Variants in KCNIP1 observed in about 807,000 individuals in gnomAD.
KCNIP1 encodes A-type potassium channel modulatory protein KCNIP1.
KCNIP1 carries 18 observed loss-of-function variants against 33.0 expected under a neutral mutation model. The observed-to-expected ratio is 0.55, with a 90% confidence interval of 0.38 to 0.81. The LOEUF (loss-of-function observed/expected upper bound fraction) is 0.81. KCNIP1 is among the 30% of genes least tolerant of loss of function. KCNIP1 has a pLI of 0.00. For missense variants in KCNIP1, 238 were observed against 271.6 expected, an observed-to-expected ratio of 0.88 and a Z score of 0.87; for synonymous variants, 93 against 98.3, an observed-to-expected ratio of 0.95 and a Z score of 0.32.
chr5:170,562,987 A>C (rs926380355), intron 1 of KCNIP1, among the ~76,000 whole-genome samples: 1 of 152,216 alleles, frequency 6.6e-6, no homozygotes, highest in Non-Finnish European at 1.5e-5. Context: ...GTAGACTGCA[A>C]CTTTGGTAGC....
intron 1 of KCNIP1, among the ~76,000 whole-genome samples, chr5:170,702,571 A>G (rs1048886800): frequency 1.3e-5 from 2 of 152,194 alleles, no homozygotes; most frequent in Admixed American, 6.5e-5. Flanking sequence ...CCTCAGTACC[A>G]ATTGTCAAGT....
chr5:170,383,799 G>T, intron 1 of KCNIP1: 1 of 1,614,110 alleles, frequency 6.2e-7, no homozygotes, highest in Non-Finnish European at 8.5e-7. Context: ...GCTCCTCCTG[G>T]TCCCTGATGT....
At chr5:170,654,359 G>A (rs1471701228) in intron 1 of KCNIP1, among the ~76,000 whole-genome samples, 2 of 152,164 alleles carry the variant, frequency 1.3e-5, no homozygotes, top group Non-Finnish European at 2.9e-5. Flanking sequence ...CCCCGAAGGA[G>A]CTCACATTCT....
intron 7 of KCNIP1, among the ~76,000 whole-genome samples, chr5:170,734,254 G>GA (rs5873236): frequency 1.3e-5 from 2 of 151,736 alleles, no homozygotes; most frequent in Non-Finnish European, 2.9e-5. Flanking sequence ...CAGCTGGGGG[G>GA]AAAAAAACCT....
At chr5:170,498,203 C>T (rs1201380991) in intron 1 of KCNIP1, among the ~76,000 whole-genome samples, 1 of 152,210 alleles carries the variant, frequency 6.6e-6, no homozygotes, top group Non-Finnish European at 1.5e-5. Flanking sequence ...TGAATCAGGA[C>T]TGTGTTCCAG....
In KCNIP1 at chr5:170,546,928, C is replaced by G. The variant is rs535733477; in HGVS notation, c.61+42295C>G. ...TGTGCTAATTTTCCTTCTGACTAAG[C>G]CACATCTTTTAGAATTTCCTCTGTG... On this transcript the variant is annotated intron_variant, in intron 1 of 7. Transcript: ENST00000328939. 3.9e-5 allele frequency among the ~76,000 whole-genome samples: 6 copies of G among 152,242 alleles called. No homozygotes were observed. In the East Asian group the frequency reaches 1.2e-3, roughly 29 times the overall value.
chr5:170,483,235 C>T (rs935044551), intron 1 of KCNIP1: 1 of 309,534 alleles, frequency 3.2e-6, no homozygotes, highest in Non-Finnish European at 6.3e-6. Flanking sequence ...GGTGGGAACA[C>T]CCTAGGGTGA....
intron 1 of KCNIP1, among the ~76,000 whole-genome samples, chr5:170,461,232 T>C (rs1224823987): frequency 3.3e-5 from 5 of 152,134 alleles, no homozygotes; most frequent in African/African-American, 4.8e-5. Context: ...ATGACAATAC[T>C]ACCAAAAGCA....
At position 170,504,147 on chromosome 5, in the gene KCNIP1, CAGGGAG is replaced by C; in HGVS notation, c.-425_-420del. The C allele has an allele frequency of 2.0e-6, 2 of 998,238 alleles. No homozygotes were observed. Among genetic ancestry groups the C allele is most frequent in the Non-Finnish European group, 2.4e-6 (2 of 839,194 alleles). 61.8% of individuals were successfully genotyped at this position (998,238 alleles called of 1,614,324 possible). ...GGCCCTCCGAGACCCAGCCCGAGCG[CAGGGAG>C]GGGAGCCGAGTGTGCGGCAGGAGGG... On this transcript the variant is annotated 5_prime_UTR_variant, in exon 1 of 8. Coordinates refer to ENST00000328939, the MANE Select transcript of KCNIP1 (RefSeq NM_014592.4). This position sits in a 1 kb window ranked among gnomAD's most constrained non-coding sequence, Gnocchi z 6.0.
intron 1 of KCNIP1, among the ~76,000 whole-genome samples, chr5:170,496,948 G>C (rs1757322367): frequency 6.6e-6 from 1 of 151,996 alleles, no homozygotes; most frequent in Admixed American, 6.6e-5. Flanking sequence ...CTAGACCCCT[G>C]ATCTTGCCGA....
intron 1 of KCNIP1, chr5:170,383,526 CA>C (rs1481900214): frequency 2.4e-6 from 2 of 831,436 alleles, no homozygotes; most frequent in African/African-American, 3.4e-5. Flanking sequence ...GACTCCAACA[CA>C]GAAGAGCTAG....
chr5:170,502,641 G>A (rs1247411832), upstream of KCNIP1, among the ~76,000 whole-genome samples: 3 of 152,168 alleles, frequency 2.0e-5, no homozygotes, highest in South Asian at 2.1e-4. Context: ...AAGGACCTGC[G>A]CCCATATGTT....
chr5:170,633,530 G>T (rs942615528), intron 1 of KCNIP1, among the ~76,000 whole-genome samples: 2 of 149,958 alleles, frequency 1.3e-5, no homozygotes, highest in Non-Finnish European at 3.0e-5. Flanking sequence ...CAAAAGAAAC[G>T]CAGAGGCTTT....
chr5:170,360,198 C>A (rs1344176567), intron 1 of KCNIP1, among the ~76,000 whole-genome samples: 1 of 152,188 alleles, frequency 6.6e-6, no homozygotes, highest in Non-Finnish European at 1.5e-5. Context: ...CCTGGGCCAT[C>A]TCTCTCAGCA....
intron 1 of KCNIP1, among the ~76,000 whole-genome samples, chr5:170,425,440 T>C (rs1029606158): frequency 6.6e-6 from 1 of 152,024 alleles, no homozygotes; most frequent in Non-Finnish European, 1.5e-5. Context: ...GCCATGCAGG[T>C]GATGGCAGTC....
chr5:170,654,171 C>G (rs1429086400), intron 1 of KCNIP1, among the ~76,000 whole-genome samples: 2 of 152,134 alleles, frequency 1.3e-5, no homozygotes, highest in Middle Eastern at 3.2e-3. Flanking sequence ...AGAAGGCTGC[C>G]CTGGTCCCTG....
At chr5:170,683,930 G>A (rs1387454345) in intron 1 of KCNIP1, among the ~76,000 whole-genome samples, 1 of 149,996 alleles carries the variant, frequency 6.7e-6, no homozygotes, top group Middle Eastern at 3.2e-3. Flanking sequence ...GTGTGTGTGT[G>A]TGTGTTAGTA....
chr5:170,363,049 G>A (rs529653554), intron 1 of KCNIP1, among the ~76,000 whole-genome samples: 88 of 152,290 alleles, frequency 5.8e-4, no homozygotes, highest in Non-Finnish European at 1.1e-3. Context: ...GAGGGGAAGG[G>A]CCATCGCCAT....
intron 1 of KCNIP1, among the ~76,000 whole-genome samples, chr5:170,488,837 G>T (rs896780484): frequency 2.8e-4 from 43 of 152,212 alleles, no homozygotes; most frequent in African/African-American, 1.0e-3. Flanking sequence ...TGCCAGGCCT[G>T]CAGAGGACCC....
Sources: allele counts gnomAD v4.1 joint callset (sites outside exome capture counted in the v4.1 genomes callset), GRCh38; gene constraint gnomAD v4.1.1; non-coding constraint Gnocchi (gnomAD v3.1); transcripts MANE v1.5; gene names NCBI Gene and HGNC (gene_info 2026-07-23, HGNC 2026-07-21).